Variants in GMNC observed in about 807,000 individuals in gnomAD.
GMNC encodes the protein geminin coiled-coil domain-containing protein 1.
Under a neutral mutation model 33.6 loss-of-function variants are expected in GMNC, and 16 were observed. That is an observed-to-expected ratio of 0.48 (90% confidence interval 0.32 to 0.72). GMNC has a LOEUF of 0.72. Ranked by LOEUF, GMNC falls within the 30% of genes least tolerant of loss-of-function variation. The pLI is 0.03. For synonymous variants in GMNC, 156 were observed against 147.3 expected (o/e 1.06, Z -0.43); for missense variants, 393 against 388.9 (o/e 1.01, Z -0.09).
chr3:190,844,140 C>T, the GMNC span, among the ~76,000 whole-genome samples: 1 of 152,090 alleles, frequency 6.6e-6, no homozygotes, highest in Non-Finnish European at 1.5e-5. Context: ...ACGTATTTGA[C>T]AATTCTTTGC....
At position 190,858,802 on chromosome 3, in the gene GMNC, A is replaced by G; in HGVS notation, c.267+126T>C. On this transcript the variant is annotated intron_variant, in intron 3 of 4. Coordinates refer to ENST00000442080, the MANE Select transcript of GMNC (RefSeq NM_001146686.3). ...ATCTAACTTTGATCTCTCTTTGGAC[A>G]CACCAGTCACTTTGGTTCTAAACTG... is the stretch of plus-strand genomic sequence containing the variant. The G allele has an allele frequency of 5.4e-6, 3 of 552,036 alleles. No individual in the cohort carries two copies. The South Asian group carries it at 8.0e-5, about 15-fold the overall frequency. 34.2% of individuals were successfully genotyped at this position (552,036 alleles called of 1,614,324 possible). A position where few individuals can be genotyped will look rare whatever the true frequency, so the allele number is the denominator to read the frequency against.
At position 190,853,304 on chromosome 3, in the gene GMNC, A is replaced by G. The variant is rs929823502; in HGVS notation, c.*1991T>C. The G allele has an allele frequency of 6.6e-6, 1 of 152,128 alleles. No homozygotes were observed. Among genetic ancestry groups the G allele is most frequent in the Non-Finnish European group, 1.5e-5 (1 of 67,986 alleles). The allele number at this position is 152,128 out of a possible 1,614,324, so 9.4% of individuals were successfully genotyped here. The stretch of plus-strand genomic sequence containing the variant: ...TCAATTCCTAGTGTCATAAAGTACA[A>G]TAATTCGAATCCTTAAATCTCTTAT... On this transcript the variant is annotated 3_prime_UTR_variant, in exon 5 of 5. Transcript: ENST00000442080.
chr3:190,855,676 G>A lies in GMNC; in HGVS notation c.624C>T (p.Asn208=). The change falls in exon 5 of 5, where the codon AAC becomes AAT. Residue 208 remains asparagine (N), a synonymous_variant. Transcript: ENST00000442080. ...LDTIDDTSSA[N]YSALASHPRR... is the part of the protein sequence containing the mutation. ...TGGGATGAGATGCGAGGGCACTGTAGTTAGCTGATGAGGTGTCATCGATAG... is the reference window on the plus strand; with the variant it reads ...TGGGATGAGATGCGAGGGCACTGTAATTAGCTGATGAGGTGTCATCGATAG... 6.4e-7 allele frequency: 1 copy of A among 1,551,610 alleles called. No individual in the cohort carries two copies. Among genetic ancestry groups the A allele is most frequent in the Non-Finnish European group, 8.7e-7 (1 of 1,146,928 alleles).
chr3:190,851,478 A>C (rs1737633446), downstream of GMNC, among the ~76,000 whole-genome samples: 1 of 152,234 alleles, frequency 6.6e-6, no homozygotes, highest in Non-Finnish European at 1.5e-5. Flanking sequence ...AAATATAAAC[A>C]TCAATGATGA....
Position 190,860,825 on chromosome 3 carries a change from C to T in GMNC, c.37G>A (p.Val13Ile). Residue 13 changes from valine to isoleucine, a missense_variant, in exon 2 of 5, where the codon GTA becomes ATA. By Grantham distance (29) the Val-to-Ile change is conservative. Transcript: ENST00000442080. ...TILPCQDQYF[V>I]GGQSYNCPYS... ...GGGCAATTATAGCTCTGGCCTCCTA[C>T]AAAGTACTGGTCTTGGCAAGGCAGA... The T allele has an allele frequency of 6.4e-7, 1 of 1,550,608 alleles. No individual in the cohort carries two copies. The highest frequency in any genetic ancestry group is 8.7e-7 in the Non-Finnish European group (1 of 1,146,686).
chr3:190,845,246 T>A, the GMNC span, among the ~76,000 whole-genome samples: 1 of 152,152 alleles, frequency 6.6e-6, no homozygotes. Context: ...TATACCAAAT[T>A]TAGGTTGGCA....
intron 1 of GMNC, 79 bp from the exon 2 acceptor site, chr3:190,860,937 G>A: frequency 4.3e-6 from 4 of 927,388 alleles, no homozygotes; most frequent in Middle Eastern, 2.5e-4. Flanking sequence ...AAGGGTGGGA[G>A]AAATACCGAA....
Position 190,855,745 on chromosome 3 carries a change from C to G in GMNC, c.555G>C (p.Val185=). The G allele has an allele frequency of 1.9e-6, 3 of 1,551,464 alleles. No homozygotes were observed. In the South Asian group the frequency reaches 3.6e-5, roughly 18 times the overall value. The stretch of plus-strand genomic sequence containing the variant: ...CAAGTGTTTGAAGGACCCAGGGATC[C>G]ACAGGGGGCCCAGCTTGTTCTTCAC... ...ANCEEQAGPP[V]DPWVLQTLGL... Residue 185 remains valine (V), a synonymous_variant, in exon 5 of 5, where the codon GTG becomes GTC. Coordinates refer to ENST00000442080, the MANE Select transcript of GMNC (RefSeq NM_001146686.3).
intron 4 of GMNC, among the ~76,000 whole-genome samples, chr3:190,856,276 ATTT>A (rs2108530739): frequency 1.4e-5 from 2 of 143,296 alleles, no homozygotes; most frequent in East Asian, 4.0e-4. Flanking sequence ...TAATACTTAT[ATTT>A]ATTTATAAAT....
the GMNC span, among the ~76,000 whole-genome samples, chr3:190,846,226 T>G: frequency 6.7e-6 from 1 of 149,752 alleles, no homozygotes; most frequent in Non-Finnish European, 1.5e-5. Context: ...AGACCACATC[T>G]CAACAAAAAA....
chr3:190,856,188 T>C (rs1266938308), intron 4 of GMNC, among the ~76,000 whole-genome samples: 1 of 149,112 alleles, frequency 6.7e-6, no homozygotes, highest in East Asian at 1.9e-4. Context: ...AGCACTATCA[T>C]TTATTAAGTT....
chr3:190,848,230 C>T (rs1450366513), downstream of GMNC, among the ~76,000 whole-genome samples: 1 of 152,130 alleles, frequency 6.6e-6, no homozygotes, highest in Non-Finnish European at 1.5e-5. Context: ...TTCATAGAAG[C>T]TGTGTGTTTC....
chr3:190,846,091 T>C, the GMNC span, among the ~76,000 whole-genome samples: 6 of 151,982 alleles, frequency 3.9e-5, no homozygotes, highest in Non-Finnish European at 8.8e-5. Context: ...TAGCCAGGTG[T>C]GATGGCATGC....
chr3:190,855,062 A>AAT lies in GMNC; in HGVS notation c.*232_*233insAT, dbSNP rs1737701668. On this transcript the variant is annotated 3_prime_UTR_variant, in exon 5 of 5. Coordinates refer to ENST00000442080, the MANE Select transcript of GMNC (RefSeq NM_001146686.3). ...AGGGCAAAGAGAGGATGTCAATAGC[A>AAT]GGTATTGGTGTGTAAACAAGTCAAA... The AAT allele has an allele frequency of 7.6e-6, 4 of 524,134 alleles. No homozygotes were observed. The Admixed American group carries it at 9.5e-5, about 12-fold the overall frequency. The allele number at this position is 524,134 out of a possible 1,614,324, so 32.5% of individuals were successfully genotyped here. A position where few individuals can be genotyped will look rare whatever the true frequency, so the allele number is the denominator to read the frequency against.
At position 190,856,372 on chromosome 3, in the gene GMNC, G is replaced by A. The variant is rs7644539; in HGVS notation, c.385-457C>T. On this transcript the variant is annotated intron_variant, in intron 4 of 4. Transcript: ENST00000442080. The stretch of plus-strand genomic sequence containing the variant: ...ATTAATATATATTTATAAATATTTA[G>A]AAATAGATATATTTATAAATATTTA... Among the ~76,000 whole-genome samples, 75 of 126,928 alleles carry A rather than the reference G, an allele frequency of 5.9e-4. 3 individuals are homozygous for A. The highest frequency in any genetic ancestry group is 2.4e-3 in the African/African-American group (74 of 31,002). 83.3% of individuals were successfully genotyped at this position (126,928 alleles called of 152,430 possible). A position where few individuals can be genotyped will look rare whatever the true frequency, so the allele number is the denominator to read the frequency against.
the GMNC span, among the ~76,000 whole-genome samples, chr3:190,847,274 C>A: frequency 6.6e-6 from 1 of 152,252 alleles, no homozygotes; most frequent in African/African-American, 2.4e-5. Flanking sequence ...ACTCCAGAAA[C>A]GTCATAGTTT....
At position 190,857,717 on chromosome 3, in the gene GMNC, A is replaced by G. The variant is rs879115795; in HGVS notation, c.384+66T>C. On this transcript the variant is annotated intron_variant, in intron 4 of 4. Transcript: ENST00000442080. The stretch of plus-strand genomic sequence containing the variant: ...ACACTGTTTAATCAAGGAGTTTTAC[A>G]TAAATCATTTCCTTTCTCAAATCAC... 1.4e-5 allele frequency: 12 copies of G among 828,660 alleles called. 1 individual carries two copies. In the South Asian group the frequency reaches 1.8e-4, roughly 12 times the overall value. The allele number at this position is 828,660 out of a possible 1,614,324, so 51.3% of individuals were successfully genotyped here.
Position 190,854,644 on chromosome 3 carries a change from T to G in GMNC, c.*651A>C, listed in dbSNP as rs895678858. On this transcript the variant is annotated 3_prime_UTR_variant, in exon 5 of 5. Transcript: ENST00000442080. ...AAAAATAATTTAAATTCTTTGTAAT[T>G]TTAAAGTTTATCTGTGATATTGATT... is the stretch of plus-strand genomic sequence containing the variant. The G allele has an allele frequency of 1.3e-5, 2 of 152,426 alleles. No individual in the cohort carries two copies. The highest frequency in any genetic ancestry group is 3.9e-4 in the East Asian group (2 of 5,184). The allele number at this position is 152,426 out of a possible 1,614,324, so 9.4% of individuals were successfully genotyped here.
Position 190,855,281 on chromosome 3 carries a change from T to TA in GMNC, c.*13dup. Reference sequence around the variant, plus strand: ...CAGAGTTCGTGGCAGTGCTTTGTGATAAAAGAGGGGTCACTAAGACTGCTT... The same window carrying TA: ...CAGAGTTCGTGGCAGTGCTTTGTGATAAAAAGAGGGGTCACTAAGACTGCTT... On this transcript the variant is annotated 3_prime_UTR_variant, in exon 5 of 5. Transcript: ENST00000442080. 6.5e-7 allele frequency: 1 copy of TA among 1,548,566 alleles called. No individual in the cohort carries two copies. Among genetic ancestry groups the TA allele is most frequent in the East Asian group, 2.4e-5 (1 of 40,858 alleles).
Sources: allele counts gnomAD v4.1 joint callset (sites outside exome capture counted in the v4.1 genomes callset), GRCh38; gene constraint gnomAD v4.1.1; transcripts MANE v1.5; gene names NCBI Gene and HGNC (gene_info 2026-07-23, HGNC 2026-07-21).